The following ARHGAP26 variants were observed in gnomAD, a reference collection of about 807,000 sequenced individuals.
ARHGAP26 encodes Rho GTPase activating protein 26, also known as rho GTPase-activating protein 26.
ARHGAP26 carries 38 observed loss-of-function variants against 104.8 expected under a neutral mutation model. The ratio of observed to expected loss-of-function variants is 0.36; its 90% confidence interval spans 0.28 to 0.48. The LOEUF (loss-of-function observed/expected upper bound fraction) is 0.48. Among genes scored for constraint, ARHGAP26 ranks in the 20% least tolerant of loss-of-function variants. The probability of loss-of-function intolerance (pLI) is 0.99; values close to 1 mark genes in which losing one functional copy is unlikely to be tolerated. For synonymous variants in ARHGAP26, 341 were observed against 340.0 expected, an observed-to-expected ratio of 1.00 and a Z score of -0.03; for missense variants, 704 against 947.9, an observed-to-expected ratio of 0.74 and a Z score of 3.38.
intron 1 of ARHGAP26, among the ~76,000 whole-genome samples, chr5:142,810,020 C>T (rs1763758584): frequency 6.6e-6 from 1 of 152,182 alleles, no homozygotes; most frequent in South Asian, 2.1e-4. Flanking sequence ...GTGTTTATCT[C>T]TCCCTGGAGC....
intron 11 of ARHGAP26, among the ~76,000 whole-genome samples, chr5:143,011,685 T>C (rs1598618494): frequency 6.6e-6 from 1 of 152,180 alleles, no homozygotes; most frequent in African/African-American, 2.4e-5. Flanking sequence ...GCAGGTGCTG[T>C]GTGGCTCAAT....
intron 11 of ARHGAP26, among the ~76,000 whole-genome samples, chr5:142,996,936 A>G (rs34116635): frequency 0.013 from 1,942 of 152,302 alleles, 19 homozygotes; most frequent in Middle Eastern, 0.041. Flanking sequence ...TGGAACTCTC[A>G]TAATGTACTG....
intron 11 of ARHGAP26, among the ~76,000 whole-genome samples, chr5:142,964,493 A>C (rs1052381392): frequency 6.6e-6 from 1 of 152,136 alleles, no homozygotes; most frequent in Admixed American, 6.5e-5. Context: ...CTAGCTAGAT[A>C]CTTTGGCTCC....
At chr5:142,869,943 G>T (rs1196081509) in intron 1 of ARHGAP26, among the ~76,000 whole-genome samples, 4 of 152,140 alleles carry the variant, frequency 2.6e-5, no homozygotes, top group African/African-American at 4.8e-5. Context: ...TAGCCATCTG[G>T]TCCCCTCACT....
At chr5:142,816,425 CAATT>C (rs1229990289) in intron 1 of ARHGAP26, among the ~76,000 whole-genome samples, 3 of 152,306 alleles carry the variant, frequency 2.0e-5, no homozygotes, top group African/African-American at 7.2e-5. Flanking sequence ...ATAGAGAACA[CAATT>C]AAATAGTGCC....
At chr5:142,948,565 T>C (rs1293924582) in intron 11 of ARHGAP26, among the ~76,000 whole-genome samples, 1 of 152,018 alleles carries the variant, frequency 6.6e-6, no homozygotes, top group Non-Finnish European at 1.5e-5. Context: ...CCTGTGGCCA[T>C]GCTGAAGAAG....
In ARHGAP26 at chr5:143,227,466, G is replaced by A. The variant is rs1468767529; in HGVS notation, c.*5020G>A. On this transcript the variant is annotated 3_prime_UTR_variant, in exon 23 of 23. Coordinates refer to ENST00000645722, the MANE Select transcript of ARHGAP26 (RefSeq NM_001135608.3). ...ATCTTGTCATGCTCAAATGTGTTTG[G>A]CAGCCACACCGATCGGCTGGGTGCT... The A allele has an allele frequency of 8.6e-6, 2 of 231,254 alleles. No homozygotes were observed. The highest frequency in any genetic ancestry group is 6.1e-5 in the East Asian group (1 of 16,400). 14.3% of individuals were successfully genotyped at this position (231,254 alleles called of 1,614,324 possible). A position where few individuals can be genotyped will look rare whatever the true frequency, so the allele number is the denominator to read the frequency against.
At chr5:142,772,846 G>A (rs1180302012) in intron 1 of ARHGAP26, 1 of 533,420 alleles carries the variant, frequency 1.9e-6, no homozygotes, top group East Asian at 5.4e-5. Context: ...TTGAATCTGA[G>A]GAGGGTGCGT....
At chr5:143,049,984 TATA>T (rs1460776105) in intron 14 of ARHGAP26, among the ~76,000 whole-genome samples, 2 of 152,158 alleles carry the variant, frequency 1.3e-5, no homozygotes, top group Non-Finnish European at 2.9e-5. Flanking sequence ...TTGCCTGGAT[TATA>T]ATCTTATGAC....
intron 20 of ARHGAP26, among the ~76,000 whole-genome samples, chr5:143,188,190 C>T (rs1805427407): frequency 6.6e-6 from 1 of 152,184 alleles, no homozygotes; most frequent in African/African-American, 2.4e-5. Flanking sequence ...GTAATCACAA[C>T]AGTGTTTTGC....
chr5:143,091,765 G>A (rs938138068), intron 17 of ARHGAP26, among the ~76,000 whole-genome samples: 1 of 152,170 alleles, frequency 6.6e-6, no homozygotes, highest in African/African-American at 2.4e-5. Context: ...AGAAAGACCT[G>A]TTGTGCTTTT....
chr5:143,176,601 A>G (rs1177131689), intron 20 of ARHGAP26, among the ~76,000 whole-genome samples: 8 of 152,192 alleles, frequency 5.3e-5, no homozygotes, highest in Admixed American at 5.2e-4. Context: ...AAATTAATTT[A>G]CCTTCGCCCC....
intron 17 of ARHGAP26, among the ~76,000 whole-genome samples, chr5:143,109,909 C>T (rs1794557401): frequency 6.6e-6 from 1 of 152,188 alleles, no homozygotes; most frequent in African/African-American, 2.4e-5. Flanking sequence ...TTTACAGTGG[C>T]CTGCAAAGTT....
intron 4 of ARHGAP26, among the ~76,000 whole-genome samples, chr5:142,880,517 C>T (rs1268937571): frequency 2.1e-5 from 3 of 144,684 alleles, no homozygotes; most frequent in African/African-American, 7.5e-5. Flanking sequence ...ACTCCATGTC[C>T]AAAAAAAAAA....
chr5:143,095,758 A>G (rs1049331987), intron 17 of ARHGAP26, among the ~76,000 whole-genome samples: 2 of 152,174 alleles, frequency 1.3e-5, no homozygotes, highest in Non-Finnish European at 2.9e-5. Context: ...TTTTTGGTAG[A>G]GATGGGGTTT....
chr5:143,201,753 A>C (rs1337799947), intron 20 of ARHGAP26, among the ~76,000 whole-genome samples: 1 of 152,108 alleles, frequency 6.6e-6, no homozygotes, highest in Non-Finnish European at 1.5e-5. Context: ...TGTACTCTCT[A>C]TTTCTTGTCT....
chr5:142,839,086 G>A (rs1770199251), intron 1 of ARHGAP26, among the ~76,000 whole-genome samples: 1 of 152,122 alleles, frequency 6.6e-6, no homozygotes, highest in Non-Finnish European at 1.5e-5. Context: ...GTATAACCAG[G>A]GATCTGCATT....
At chr5:143,015,893 T>G (rs751906995) in intron 12 of ARHGAP26, among the ~76,000 whole-genome samples, 5 of 152,238 alleles carry the variant, frequency 3.3e-5, no homozygotes, top group Admixed American at 1.3e-4. Context: ...CTGACATTTC[T>G]TAAGGCATTT....
intron 17 of ARHGAP26, among the ~76,000 whole-genome samples, chr5:143,090,082 G>A (rs1164786234): frequency 2.0e-5 from 3 of 152,246 alleles, no homozygotes; most frequent in African/African-American, 4.8e-5. Context: ...GGTCTCCAAG[G>A]AACACTAAGT....
Sources: gnomAD v4.1 joint callset for allele counts (sites outside exome capture counted in the v4.1 genomes callset) on GRCh38, gnomAD v4.1.1 for gene constraint, MANE v1.5 for transcripts, NCBI Gene and HGNC (gene_info 2026-07-23, HGNC 2026-07-21) for gene names.